The following ACBD6 variants were observed in gnomAD, a reference collection of about 807,000 sequenced individuals.
The protein encoded by ACBD6 is acyl-CoA binding domain containing 6.
A neutral mutation model predicts 37.2 loss-of-function variants in ACBD6; 28 were observed. The ratio of observed to expected loss-of-function variants is 0.75; its 90% confidence interval spans 0.56 to 1.03. The LOEUF (loss-of-function observed/expected upper bound fraction) is 1.03, where lower values mean the gene tolerates loss of function less well. Among genes scored for constraint, ACBD6 ranks in the 50% least tolerant of loss-of-function variants. The pLI, the probability that ACBD6 is intolerant of heterozygous loss-of-function variation, is 0.00. For synonymous variants in ACBD6, 113 were observed against 126.8 expected, an observed-to-expected ratio of 0.89 and a Z score of 0.73; for missense variants, 340 against 337.4, an observed-to-expected ratio of 1.01 and a Z score of -0.06.
chr1:180,372,472 T>C (rs1007816484), intron 6 of ACBD6, among the ~76,000 whole-genome samples: 1 of 152,198 alleles, frequency 6.6e-6, no homozygotes, highest in Non-Finnish European at 1.5e-5. Flanking sequence ...TAATGTTACA[T>C]GGTCCTCTTA....
rs2149276674 is a variant in ACBD6, at chr1:180,288,364, T to C, written c.848A>G (p.Ter283=). 6.2e-7 allele frequency: 1 copy of C among 1,613,728 alleles called. No individual in the cohort carries two copies. The highest frequency in any genetic ancestry group is 2.2e-5 in the East Asian group (1 of 44,874). ...GACTGCAGTTTTCCAGTCTTTTGAT[T>C]AAGCCTTGCCAGTTGTGTGCCGCTG... ...VLQRHTTGKA[*] is the part of the protein sequence containing the mutation. The change falls in exon 8 of 8, where the codon TAA becomes TGA. Residue 283 remains the stop codon, a stop_retained_variant. Coordinates refer to ENST00000367595, the MANE Select transcript of ACBD6 (RefSeq NM_032360.4).
intron 4 of ACBD6, among the ~76,000 whole-genome samples, chr1:180,413,869 T>C (rs932708455): frequency 3.9e-5 from 6 of 152,170 alleles, no homozygotes; most frequent in African/African-American, 9.6e-5. Flanking sequence ...TCTAAGTATA[T>C]TGCACGTGCT....
intron 1 of ACBD6, among the ~76,000 whole-genome samples, 153 bp from the exon 2 acceptor site, chr1:180,495,678 CAAACAAAA>C (rs1229766517): frequency 6.6e-6 from 1 of 152,114 alleles, no homozygotes; most frequent in Non-Finnish European, 1.5e-5. Flanking sequence ...TTTGCCAAAG[CAAACAAAA>C]ACAATCAAAC....
At chr1:180,333,552 C>A (rs1651571409) in intron 6 of ACBD6, among the ~76,000 whole-genome samples, 1 of 152,138 alleles carries the variant, frequency 6.6e-6, no homozygotes, top group African/African-American at 2.4e-5. Context: ...GGCTTAAATT[C>A]ATTCATTCAA....
chr1:180,410,077 A>T (rs1444919036), intron 5 of ACBD6, among the ~76,000 whole-genome samples: 1 of 152,268 alleles, frequency 6.6e-6, no homozygotes, highest in East Asian at 1.9e-4. Context: ...ACCAGCCACA[A>T]CATTCCCTTA....
At position 180,369,525 on chromosome 1, in the gene ACBD6, C is replaced by A. The variant is rs540953591; in HGVS notation, c.663+27991G>T. Among the ~76,000 whole-genome samples the A allele has an allele frequency of 2.6e-5, 4 of 152,274 alleles. No homozygotes were observed. In the East Asian group the frequency reaches 7.7e-4, roughly 29 times the overall value. ...GACACAGAGAGATGATTATCGTATA[C>A]CTCAGCTTTCTTCTTCCATCTCTAA... On this transcript the variant is annotated intron_variant, in intron 6 of 7. Transcript: ENST00000367595.
Position 180,430,067 on chromosome 1 carries a change from C to T in ACBD6, c.467+113G>A, listed in dbSNP as rs1042072600. 4 of 893,394 alleles carry T rather than the reference C, an allele frequency of 4.5e-6. No homozygotes were observed. The African/African-American group carries it at 6.8e-5, about 15-fold the overall frequency. The allele number at this position is 893,394 out of a possible 1,614,324, so 55.3% of individuals were successfully genotyped here. A position where few individuals can be genotyped will look rare whatever the true frequency, so the allele number is the denominator to read the frequency against. On this transcript the variant is annotated intron_variant, in intron 4 of 7. Transcript: ENST00000367595. ...GGAATGCTTCACAAATTGAAGATTT[C>T]AGGATTAAAAATATATAGTACACAT...
At chr1:180,456,553 G>A (rs972523399) in intron 3 of ACBD6, among the ~76,000 whole-genome samples, 3 of 152,166 alleles carry the variant, frequency 2.0e-5, no homozygotes, top group African/African-American at 4.8e-5. Context: ...CATGAAAAGT[G>A]TAAACGTGAT....
chr1:180,305,863 C>G (rs879944429), intron 7 of ACBD6, among the ~76,000 whole-genome samples: 1 of 151,418 alleles, frequency 6.6e-6, no homozygotes, highest in Non-Finnish European at 1.5e-5. Context: ...AAATGTGCAA[C>G]GATAGACAGG....
chr1:180,378,647 C>G (rs750956058), intron 6 of ACBD6, among the ~76,000 whole-genome samples: 5 of 152,106 alleles, frequency 3.3e-5, no homozygotes, highest in African/African-American at 7.2e-5. Flanking sequence ...GGATTCAAGA[C>G]AGAAAGCAGG....
At chr1:180,409,795 T>C (rs993665312) in intron 5 of ACBD6, among the ~76,000 whole-genome samples, 49 of 152,212 alleles carry the variant, frequency 3.2e-4, no homozygotes, top group African/African-American at 9.9e-4. Flanking sequence ...AGTCTCTAAG[T>C]TTCAAGTAAA....
At chr1:180,353,534 G>C (rs1232911494) in intron 6 of ACBD6, among the ~76,000 whole-genome samples, 2 of 151,818 alleles carry the variant, frequency 1.3e-5, no homozygotes, top group Admixed American at 6.6e-5. Flanking sequence ...AATTTTGCTA[G>C]GCTGCAAAAG....
intron 5 of ACBD6, among the ~76,000 whole-genome samples, chr1:180,401,809 A>G (rs1275963472): frequency 1.3e-5 from 2 of 150,428 alleles, no homozygotes; most frequent in Non-Finnish European, 3.0e-5. Flanking sequence ...AAAAAATGGT[A>G]AGGGGAGGGG....
At chr1:180,500,002 C>G (rs975403903) in intron 1 of ACBD6, among the ~76,000 whole-genome samples, 2 of 151,936 alleles carry the variant, frequency 1.3e-5, no homozygotes, top group Non-Finnish European at 2.9e-5. Flanking sequence ...AATAACAGTA[C>G]TTCAGGAGGC....
chr1:180,411,700 C>G (rs1293285317), intron 5 of ACBD6, among the ~76,000 whole-genome samples: 2 of 152,208 alleles, frequency 1.3e-5, no homozygotes, highest in African/African-American at 4.8e-5. Flanking sequence ...GAGTCTCGCT[C>G]TGTTGCCCAG....
chr1:180,459,250 G>C (rs569516860), intron 3 of ACBD6, among the ~76,000 whole-genome samples: 3 of 152,058 alleles, frequency 2.0e-5, no homozygotes, highest in African/African-American at 7.2e-5. Context: ...TTGAAACCAT[G>C]GTCAGTAATT....
chr1:180,500,586 C>T (rs567062771), intron 1 of ACBD6, among the ~76,000 whole-genome samples: 25 of 150,892 alleles, frequency 1.7e-4, no homozygotes, highest in Admixed American at 1.1e-3. Flanking sequence ...CCCAGCTACT[C>T]GGGAGGCTGG....
intron 3 of ACBD6, among the ~76,000 whole-genome samples, chr1:180,488,476 A>ATATC (rs904450711): frequency 6.6e-6 from 1 of 152,208 alleles, no homozygotes; most frequent in African/African-American, 2.4e-5. Flanking sequence ...CCTTATAGAT[A>ATATC]TATTTCCAAT....
intron 6 of ACBD6, among the ~76,000 whole-genome samples, chr1:180,397,087 G>GA (rs1654287223): frequency 6.6e-6 from 1 of 152,028 alleles, no homozygotes; most frequent in African/African-American, 2.4e-5. Context: ...CAACATTTGG[G>GA]ATATCCAAAA....
Sources: allele counts gnomAD v4.1 joint callset (sites outside exome capture counted in the v4.1 genomes callset), GRCh38; gene constraint gnomAD v4.1.1; transcripts MANE v1.5; gene names NCBI Gene and HGNC (gene_info 2026-07-23, HGNC 2026-07-21).